Variants in LYPLAL1 observed in about 807,000 individuals in gnomAD.
LYPLAL1 encodes the protein lysophospholipase like 1, also known as lysophospholipase-like protein 1.
A neutral mutation model predicts 19.7 loss-of-function variants in LYPLAL1; 23 were observed. The ratio of observed to expected loss-of-function variants is 1.17; its 90% CI spans 0.84 to 1.65. LYPLAL1 has a LOEUF of 1.65. Among genes scored for constraint, LYPLAL1 ranks in the 40% most tolerant of loss-of-function variants. LYPLAL1 has a pLI of 0.00. For missense variants in LYPLAL1, 355 were observed against 279.4 expected (o/e 1.27, Z -1.93); for synonymous variants, 119 against 96.3 (o/e 1.24, Z -1.38).
the LYPLAL1 span, among the ~76,000 whole-genome samples, chr1:219,353,971 A>G: frequency 2.0e-5 from 3 of 152,236 alleles, no homozygotes; most frequent in African/African-American, 7.2e-5. Flanking sequence ...TTTGAAATTT[A>G]GAACAATCAC....
chr1:219,330,714 G>A, the LYPLAL1 span, among the ~76,000 whole-genome samples: 1 of 152,308 alleles, frequency 6.6e-6, no homozygotes, highest in Admixed American at 6.5e-5. Flanking sequence ...TTACTCCACA[G>A]TTGAGAGAGA....
At chr1:219,373,109 G>A in the LYPLAL1 span, among the ~76,000 whole-genome samples, 2 of 152,192 alleles carry the variant, frequency 1.3e-5, no homozygotes, top group Admixed American at 6.5e-5. Flanking sequence ...AAAAAAATGA[G>A]TCATTTATTC....
the LYPLAL1 span, among the ~76,000 whole-genome samples, chr1:219,268,084 A>G: frequency 6.6e-6 from 1 of 152,216 alleles, no homozygotes; most frequent in Non-Finnish European, 1.5e-5. Flanking sequence ...GCATTGTTAT[A>G]GGTATGGCAG....
chr1:219,274,324 G>A, the LYPLAL1 span, among the ~76,000 whole-genome samples: 35 of 152,200 alleles, frequency 2.3e-4, no homozygotes, highest in African/African-American at 8.4e-4. Context: ...ACCCAGAAAT[G>A]ATAAAATAGA....
At chr1:219,274,267 C>T in the LYPLAL1 span, among the ~76,000 whole-genome samples, 1 of 152,154 alleles carries the variant, frequency 6.6e-6, no homozygotes, top group Admixed American at 6.5e-5. Context: ...TGTAGGGGCC[C>T]AACAGCCCAA....
chr1:219,185,299 T>A (rs1656637008), intron 2 of LYPLAL1, among the ~76,000 whole-genome samples: 1 of 151,848 alleles, frequency 6.6e-6, no homozygotes, highest in Non-Finnish European at 1.5e-5. Context: ...GTGGTTCATC[T>A]TACCAAGAAG....
the LYPLAL1 span, among the ~76,000 whole-genome samples, chr1:219,422,350 T>C: frequency 2.6e-5 from 4 of 152,214 alleles, no homozygotes; most frequent in Non-Finnish European, 5.9e-5. Context: ...CAGCCCCTGA[T>C]CTACAGAACC....
the LYPLAL1 span, among the ~76,000 whole-genome samples, chr1:219,257,844 GA>G: frequency 2.0e-5 from 3 of 151,994 alleles, no homozygotes; most frequent in Non-Finnish European, 4.4e-5. Flanking sequence ...TCACCCTAGC[GA>G]ATCTGAGGGT....
chr1:219,351,689 A>G, the LYPLAL1 span, among the ~76,000 whole-genome samples: 1 of 152,204 alleles, frequency 6.6e-6, no homozygotes, highest in Non-Finnish European at 1.5e-5. Flanking sequence ...TTTCTATTTT[A>G]TTCCCAAAGT....
chr1:219,417,895 T>C, the LYPLAL1 span, among the ~76,000 whole-genome samples: 2 of 152,272 alleles, frequency 1.3e-5, no homozygotes, highest in Non-Finnish European at 2.9e-5. Context: ...ACCAAGGTGC[T>C]GATACTGAGT....
the LYPLAL1 span, among the ~76,000 whole-genome samples, chr1:219,226,489 C>T: frequency 3.3e-5 from 5 of 152,086 alleles, no homozygotes; most frequent in African/African-American, 7.2e-5. Flanking sequence ...TGAGAAGCCA[C>T]GTAGGTTCTT....
At chr1:219,373,871 A>C in the LYPLAL1 span, among the ~76,000 whole-genome samples, 18 of 22,766 alleles carry the variant, frequency 7.9e-4, no homozygotes, top group Admixed American at 2.3e-3. Flanking sequence ...GTCAAAAAAA[A>C]AAAAAAAAAA....
the LYPLAL1 span, among the ~76,000 whole-genome samples, chr1:219,245,536 T>A: frequency 9.2e-5 from 14 of 152,308 alleles, no homozygotes; most frequent in South Asian, 2.9e-3. Context: ...GAACTTACAT[T>A]TAACTGCATT....
the LYPLAL1 span, among the ~76,000 whole-genome samples, chr1:219,325,344 A>G: frequency 6.6e-6 from 1 of 152,084 alleles, no homozygotes; most frequent in African/African-American, 2.4e-5. Context: ...CTTCGCTACA[A>G]CATTGTTAAG....
At chr1:219,407,880 C>A in the LYPLAL1 span, among the ~76,000 whole-genome samples, 5 of 152,130 alleles carry the variant, frequency 3.3e-5, no homozygotes, top group African/African-American at 1.2e-4. Context: ...TGACCAACTT[C>A]TTGCTGTGTC....
the LYPLAL1 span, among the ~76,000 whole-genome samples, chr1:219,339,621 A>G: frequency 6.6e-6 from 1 of 152,078 alleles, no homozygotes; most frequent in East Asian, 1.9e-4. Flanking sequence ...CACTGGGTTC[A>G]AGAAAATTTA....
At chr1:219,328,693 A>C in the LYPLAL1 span, among the ~76,000 whole-genome samples, 1 of 152,136 alleles carries the variant, frequency 6.6e-6, no homozygotes, top group Non-Finnish European at 1.5e-5. Context: ...CCTCAATCAA[A>C]ATTATATACA....
At chr1:219,232,086 C>A in the LYPLAL1 span, among the ~76,000 whole-genome samples, 1 of 152,142 alleles carries the variant, frequency 6.6e-6, no homozygotes, top group African/African-American at 2.4e-5. Context: ...GACATGTTTT[C>A]TCTTCAAATT....
the LYPLAL1 span, among the ~76,000 whole-genome samples, chr1:219,324,377 T>C: frequency 6.6e-6 from 1 of 152,212 alleles, no homozygotes; most frequent in African/African-American, 2.4e-5. Context: ...CTGCAAACAG[T>C]ACTTACTATC....
Sources: gnomAD v4.1 joint callset for allele counts (sites outside exome capture counted in the v4.1 genomes callset) on GRCh38, gnomAD v4.1.1 for gene constraint, MANE v1.5 for transcripts, NCBI Gene and HGNC (gene_info 2026-07-23, HGNC 2026-07-21) for gene names.